Variants in NBAS observed in about 807,000 individuals in gnomAD.
The protein encoded by NBAS is NBAS subunit of NRZ tethering complex.
In NBAS, 219 loss-of-function variants were observed where a neutral mutation model predicts 302.5. That is an observed-to-expected ratio of 0.72 (90% CI 0.65 to 0.81). The LOEUF (loss-of-function observed/expected upper bound fraction) is 0.81. NBAS is among the 30% of genes least tolerant of loss of function. The pLI, the probability that NBAS is intolerant of heterozygous loss-of-function variation, is 0.00. For missense variants in NBAS, 2,932 were observed against 2,841.6 expected (o/e 1.03, Z -0.72); for synonymous variants, 1,118 against 1,021.6 (o/e 1.09, Z -1.80).
In NBAS at chr2:15,287,122, G is replaced by T. The variant is rs775517783; in HGVS notation, c.5089C>A (p.Arg1697Ser). Residue 1697 changes from arginine (R) to serine (S), a missense_variant, in exon 42 of 52, where the codon CGC becomes AGC. Coordinates refer to ENST00000281513, the MANE Select transcript of NBAS (RefSeq NM_015909.4). Reference sequence around the variant, plus strand: ...AAATGGGTCATAAAAACTTCCCAGCGGGAGACACTGTAACGTTGTGCCAGA... The same window carrying T: ...AAATGGGTCATAAAAACTTCCCAGCTGGAGACACTGTAACGTTGTGCCAGA... ...ISLAQRYSVS[R>S]WEVFMTHLEF... 6.8e-6 allele frequency: 11 copies of T among 1,613,866 alleles called. No homozygotes were observed. Among genetic ancestry groups the T allele is most frequent in the Non-Finnish European group, 8.5e-6 (10 of 1,179,914 alleles).
intron 35 of NBAS, among the ~76,000 whole-genome samples, chr2:15,335,542 T>C (rs1672543996): frequency 1.3e-5 from 2 of 152,210 alleles, no homozygotes; most frequent in South Asian, 4.1e-4. Context: ...TATGTAATGG[T>C]ATCTCTTTGT....
the NBAS span, among the ~76,000 whole-genome samples, chr2:14,866,896 G>A: frequency 6.6e-6 from 1 of 152,182 alleles, no homozygotes; most frequent in African/African-American, 2.4e-5. Flanking sequence ...ATTCAGAAAT[G>A]GCTTTGGTGA....
the NBAS span, among the ~76,000 whole-genome samples, chr2:14,970,809 T>C: frequency 6.6e-6 from 1 of 152,208 alleles, no homozygotes; most frequent in African/African-American, 2.4e-5. Flanking sequence ...TTCCAGTTTG[T>C]TACAATCAAC....
chr2:15,473,118 T>G, intron 16 of NBAS, 104 bp downstream of exon 16: 1 of 1,304,030 alleles, frequency 7.7e-7, no homozygotes, highest in Non-Finnish European at 1.1e-6. Context: ...TTGGCTGTAT[T>G]ATAGAAAAGT....
chr2:14,858,232 C>T, the NBAS span, among the ~76,000 whole-genome samples: 1 of 152,086 alleles, frequency 6.6e-6, no homozygotes, highest in South Asian at 2.1e-4. Flanking sequence ...TTAGTACAAC[C>T]ACTATGGAGA....
intron 6 of NBAS, among the ~76,000 whole-genome samples, chr2:15,550,788 T>C (rs1664346081): frequency 6.6e-6 from 1 of 152,084 alleles, no homozygotes; most frequent in Admixed American, 6.6e-5. Flanking sequence ...GGTTTCACCA[T>C]GTTGGCCAGG....
intron 7 of NBAS, among the ~76,000 whole-genome samples, chr2:15,537,154 G>C (rs1204144881): frequency 6.6e-6 from 1 of 152,156 alleles, no homozygotes; most frequent in African/African-American, 2.4e-5. Flanking sequence ...ATGCCACTTT[G>C]GCATAAGGAT....
At chr2:15,131,275 T>G in the NBAS span, among the ~76,000 whole-genome samples, 1 of 152,218 alleles carries the variant, frequency 6.6e-6, no homozygotes, top group Admixed American at 6.5e-5. Flanking sequence ...AGCTGAAATC[T>G]AACTTCTTCC....
the NBAS span, among the ~76,000 whole-genome samples, chr2:15,051,604 G>A: frequency 2.0e-5 from 3 of 152,180 alleles, no homozygotes; most frequent in East Asian, 5.8e-4. Context: ...CAGCCAGAAG[G>A]AAGCTGTTAT....
chr2:15,462,429 G>C (rs896662746), intron 19 of NBAS, among the ~76,000 whole-genome samples: 1 of 152,158 alleles, frequency 6.6e-6, no homozygotes, highest in Non-Finnish European at 1.5e-5. Context: ...CCATGGAATC[G>C]CAAGTGTAGG....
intron 19 of NBAS, among the ~76,000 whole-genome samples, chr2:15,464,858 C>A (rs1184822863): frequency 1.3e-5 from 2 of 152,202 alleles, no homozygotes; most frequent in Non-Finnish European, 2.9e-5. Context: ...CCATCCTGTA[C>A]CCTGACTAGC....
the NBAS span, among the ~76,000 whole-genome samples, chr2:15,117,901 A>ACACAGGCTT: frequency 6.6e-6 from 1 of 152,204 alleles, no homozygotes; most frequent in Non-Finnish European, 1.5e-5. Flanking sequence ...TACACAGGCT[A>ACACAGGCTT]CACAGCCCTT....
chr2:15,336,091 TC>T (rs1439194525), intron 35 of NBAS, among the ~76,000 whole-genome samples: 23 of 141,370 alleles, frequency 1.6e-4, no homozygotes, highest in African/African-American at 6.6e-4. Flanking sequence ...GATCCTCATT[TC>T]AAAAAAAAAA....
chr2:14,899,383 A>G, the NBAS span, among the ~76,000 whole-genome samples: 3 of 152,190 alleles, frequency 2.0e-5, no homozygotes, highest in African/African-American at 4.8e-5. Context: ...TGACTAAATG[A>G]ACACATAAAT....
chr2:15,289,890 G>C (rs1298231202), intron 41 of NBAS, among the ~76,000 whole-genome samples: 1 of 152,096 alleles, frequency 6.6e-6, no homozygotes, highest in African/African-American at 2.4e-5. Flanking sequence ...CCAGCTACTC[G>C]AGAGGTTGAG....
chr2:15,342,402 G>A (rs1483557128), intron 35 of NBAS, among the ~76,000 whole-genome samples: 1 of 151,980 alleles, frequency 6.6e-6, no homozygotes, highest in East Asian at 1.9e-4. Context: ...GAATCACAAG[G>A]GCAGATTCAA....
At chr2:15,223,370 A>G (rs1667030821) in intron 47 of NBAS, among the ~76,000 whole-genome samples, 1 of 152,028 alleles carries the variant, frequency 6.6e-6, no homozygotes, top group African/African-American at 2.4e-5. Flanking sequence ...AGGGTTTTAA[A>G]TTTTTCAAGA....
the NBAS span, among the ~76,000 whole-genome samples, chr2:14,814,987 A>C: frequency 6.6e-6 from 1 of 152,132 alleles, no homozygotes; most frequent in South Asian, 2.1e-4. Flanking sequence ...AGCACTTTTC[A>C]CTTTGCTCTC....
chr2:15,391,979 C>A, intron 28 of NBAS, among the ~76,000 whole-genome samples: 1 of 143,906 alleles, frequency 6.9e-6, no homozygotes, highest in Admixed American at 6.9e-5. Context: ...CTTTTTTAAA[C>A]AAACAAAGAT....
Sources: allele counts gnomAD v4.1 joint callset (sites outside exome capture counted in the v4.1 genomes callset), GRCh38; gene constraint gnomAD v4.1.1; transcripts MANE v1.5; gene names NCBI Gene and HGNC (gene_info 2026-07-23, HGNC 2026-07-21).